MACO1: variants seen among roughly 807,000 people sequenced by gnomAD.
The protein encoded by MACO1 is macoilin 1.
In MACO1, 14 loss-of-function variants were observed where a neutral mutation model predicts 78.7. The observed-to-expected ratio is 0.18, with a 90% CI of 0.12 to 0.28. The LOEUF (loss-of-function observed/expected upper bound fraction) is 0.28, where lower values mean the gene tolerates loss of function less well. MACO1 is among the 10% of genes least tolerant of loss of function. MACO1 has a pLI of 1.00. For synonymous variants in MACO1, 288 were observed against 291.6 expected, an observed-to-expected ratio of 0.99 and a Z score of 0.12; for missense variants, 501 against 799.0, an observed-to-expected ratio of 0.63 and a Z score of 4.50.
At chr1:25,450,838 T>G (rs1474961374) in intron 3 of MACO1, among the ~76,000 whole-genome samples, 1 of 152,348 alleles carries the variant, frequency 6.6e-6, no homozygotes, top group Non-Finnish European at 1.5e-5. Context: ...TCACTCTCCC[T>G]AGGTCTCAGC....
intron 10 of MACO1, among the ~76,000 whole-genome samples, chr1:25,494,005 A>G (rs765258242): frequency 1.3e-5 from 2 of 152,164 alleles, no homozygotes; most frequent in Non-Finnish European, 2.9e-5. Flanking sequence ...TACTGGGATT[A>G]CAGGCGTGAG....
intron 1 of MACO1, among the ~76,000 whole-genome samples, chr1:25,441,408 C>G (rs2042971462): frequency 6.6e-6 from 1 of 152,198 alleles, no homozygotes; most frequent in Non-Finnish European, 1.5e-5. Flanking sequence ...TGGTCTCGAA[C>G]TCCTGACTTC....
At chr1:25,490,104 CT>C (rs1421495173) in intron 9 of MACO1, among the ~76,000 whole-genome samples, 1 of 151,984 alleles carries the variant, frequency 6.6e-6, no homozygotes, top group Admixed American at 6.6e-5. Context: ...TATACTTGAC[CT>C]TGAAACAAGG....
intron 6 of MACO1, among the ~76,000 whole-genome samples, chr1:25,471,632 G>A (rs35614701): frequency 0.57 from 86,886 of 151,974 alleles, 26,322 homozygotes; most frequent in African/African-American, 0.77. Flanking sequence ...ATTAATAAAT[G>A]CTACCTTTGT....
In MACO1 at chr1:25,456,642, C is replaced by T. The variant is rs1571963773; in HGVS notation, c.474-11C>T. On this transcript the variant is annotated splice_polypyrimidine_tract_variant and intron_variant, in intron 4 of 10. Coordinates refer to ENST00000374343, the MANE Select transcript of MACO1 (RefSeq NM_018202.6). ...AACCTACAATTACTGGCTGGATTGT[C>T]TTCTTTCTAGTATTGGGTACCCTGT... 1 of 1,602,160 alleles carries T rather than the reference C, an allele frequency of 6.2e-7. No homozygotes were observed. The highest frequency in any genetic ancestry group is 1.1e-5 in the South Asian group (1 of 89,192).
At chr1:25,456,369 G>A (rs1318937445) in intron 4 of MACO1, among the ~76,000 whole-genome samples, 1 of 152,146 alleles carries the variant, frequency 6.6e-6, no homozygotes, top group Admixed American at 6.5e-5. Flanking sequence ...AGTCACTGTG[G>A]TGACTCCTTG....
rs2043411117 is a variant in MACO1, at chr1:25,484,501, TTC to T, written c.1313+232_1313+233del. 2.0e-5 allele frequency among the ~76,000 whole-genome samples: 3 copies of T among 152,362 alleles called. No homozygotes were observed. In the South Asian group the frequency reaches 6.2e-4, roughly 32 times the overall value. ...GTTTATTAATATTACTGTTTTTGTCTTCTCTCATTTAATAACTTCTTAGTTTA... is the reference window on the plus strand; with the variant it reads ...GTTTATTAATATTACTGTTTTTGTCTTCTCATTTAATAACTTCTTAGTTTA... On this transcript the variant is annotated intron_variant, in intron 7 of 10. Transcript: ENST00000374343.
chr1:25,446,945 C>A, intron 2 of MACO1, 42 bp downstream of exon 2: 1 of 1,593,456 alleles, frequency 6.3e-7, no homozygotes, highest in South Asian at 1.1e-5. Context: ...GGGGACCATT[C>A]AGCTGTTTAG....
intron 6 of MACO1, among the ~76,000 whole-genome samples, chr1:25,467,572 A>T (rs1206885229): frequency 6.6e-6 from 1 of 152,174 alleles, no homozygotes; most frequent in African/African-American, 2.4e-5. Context: ...TTTTGTTAAG[A>T]CAGATTCATC....
At chr1:25,490,802 T>C (rs1467298417) in intron 9 of MACO1, among the ~76,000 whole-genome samples, 1 of 152,210 alleles carries the variant, frequency 6.6e-6, no homozygotes, top group Non-Finnish European at 1.5e-5. Context: ...ATATTTCACT[T>C]CTGCTAAAAG....
chr1:25,489,038 C>T, intron 8 of MACO1, 135 bp from the exon 9 acceptor site: 6 of 1,120,158 alleles, frequency 5.4e-6, no homozygotes, highest in Non-Finnish European at 7.3e-6. Context: ...TCAGGTTGGT[C>T]TCGAACCCCT....
Position 25,485,893 on chromosome 1 carries a change from C to A in MACO1, c.1496+98C>A. On this transcript the variant is annotated intron_variant, in intron 8 of 10. Coordinates refer to ENST00000374343, the MANE Select transcript of MACO1 (RefSeq NM_018202.6). This position sits in a 1 kb window ranked among gnomAD's most constrained non-coding sequence, Gnocchi z 4.3. ...GCCTTGGGCAGGATTGGACGTACAG[C>A]AATCATGCACGGATGGATTGCTTTT... The A allele has an allele frequency of 7.7e-7, 1 of 1,291,094 alleles. No individual in the cohort carries two copies. The highest frequency in any genetic ancestry group is 1.1e-6 in the Non-Finnish European group (1 of 925,438). 80.0% of individuals were successfully genotyped at this position (1,291,094 alleles called of 1,614,324 possible). A position where few individuals can be genotyped will look rare whatever the true frequency, so the allele number is the denominator to read the frequency against.
intron 3 of MACO1, among the ~76,000 whole-genome samples, chr1:25,449,536 A>C (rs1486684042): frequency 6.6e-6 from 1 of 152,100 alleles, no homozygotes; most frequent in African/African-American, 2.4e-5. Flanking sequence ...TCTTTTTTAA[A>C]AATTTCTATT....
At chr1:25,466,197 C>T (rs1339592946) in intron 6 of MACO1, among the ~76,000 whole-genome samples, 4 of 152,208 alleles carry the variant, frequency 2.6e-5, no homozygotes, top group Admixed American at 2.6e-4. Context: ...TACTGTTTGC[C>T]ATAGAAGTTG....
chr1:25,484,345 G>A, intron 7 of MACO1, 71 bp downstream of exon 7: 1 of 1,477,508 alleles, frequency 6.8e-7, no homozygotes, highest in Non-Finnish European at 9.0e-7. Context: ...CCAGGGGTTG[G>A]AGCACAAGAT....
chr1:25,483,865 A>G (rs2043402767), intron 6 of MACO1, among the ~76,000 whole-genome samples: 1 of 152,188 alleles, frequency 6.6e-6, no homozygotes, highest in Admixed American at 6.5e-5. Context: ...CACAAGCACC[A>G]TACTCACCTG....
chr1:25,455,138 A>G (rs1345263963), intron 4 of MACO1, among the ~76,000 whole-genome samples: 1 of 152,244 alleles, frequency 6.6e-6, no homozygotes, highest in Non-Finnish European at 1.5e-5. Context: ...GATGAAATAT[A>G]TGGCTAATTC....
chr1:25,462,200 G>T (rs1157200967), intron 6 of MACO1, among the ~76,000 whole-genome samples: 1 of 152,138 alleles, frequency 6.6e-6, no homozygotes, highest in East Asian at 1.9e-4. Context: ...TACATGCACT[G>T]TTTGCTTCTG....
rs1380204551 is a variant in MACO1 at position 25,430,919 on chromosome 1, C to T, written c.-180C>T. The T allele has an allele frequency of 2.1e-6, 1 of 474,262 alleles. No individual in the cohort carries two copies. The highest frequency in any genetic ancestry group is 3.7e-6 in the Non-Finnish European group (1 of 267,238). The allele number at this position is 474,262 out of a possible 1,614,324, so 29.4% of individuals were successfully genotyped here. On this transcript the variant is annotated 5_prime_UTR_variant, in exon 1 of 11. Coordinates refer to ENST00000374343, the MANE Select transcript of MACO1 (RefSeq NM_018202.6). The stretch of plus-strand genomic sequence containing the variant: ...ATTGTCATTTCTTTGTTTCCGAAGG[C>T]GGAGGAGGCTCCGAGCCCCCCCTCC...
Sources: allele counts gnomAD v4.1 joint callset (sites outside exome capture counted in the v4.1 genomes callset), GRCh38; gene constraint gnomAD v4.1.1; non-coding constraint Gnocchi (gnomAD v3.1); transcripts MANE v1.5; gene names NCBI Gene and HGNC (gene_info 2026-07-23, HGNC 2026-07-21).